PKP2: variants seen among roughly 807,000 people sequenced by gnomAD.
PKP2 encodes plakophilin 2, also known as plakophilin-2.
In PKP2, 73 loss-of-function variants were observed where a neutral mutation model predicts 83.4. The ratio of observed to expected loss-of-function variants is 0.88; its 90% CI spans 0.72 to 1.06. The LOEUF (loss-of-function observed/expected upper bound fraction) is 1.06, where lower values mean the gene tolerates loss of function less well. PKP2 is among the 50% of genes least tolerant of loss of function. The pLI is 0.00. For synonymous variants in PKP2, 409 were observed against 430.4 expected (o/e 0.95, Z 0.62); for missense variants, 966 against 1,065.4 (o/e 0.91, Z 1.30).
At chr12:32,895,658 G>A (rs986559660) in intron 1 of PKP2, among the ~76,000 whole-genome samples, 10 of 152,180 alleles carry the variant, frequency 6.6e-5, no homozygotes, top group Non-Finnish European at 1.5e-4. Flanking sequence ...GGGGAGAAAA[G>A]GATACATCAT....
At chr12:32,874,209 C>G (rs1360353260) in intron 3 of PKP2, among the ~76,000 whole-genome samples, 1 of 152,146 alleles carries the variant, frequency 6.6e-6, no homozygotes, top group Non-Finnish European at 1.5e-5. Flanking sequence ...GGCATAAAAA[C>G]TTAAATCCCC....
chr12:32,868,148 T>C (rs1391618765), intron 4 of PKP2, among the ~76,000 whole-genome samples: 5 of 152,188 alleles, frequency 3.3e-5, no homozygotes, highest in Non-Finnish European at 7.3e-5. Flanking sequence ...ATTTCCGAAT[T>C]GCAGGAAATA....
At chr12:32,836,160 C>T (rs1460535795) in intron 6 of PKP2, among the ~76,000 whole-genome samples, 1 of 152,174 alleles carries the variant, frequency 6.6e-6, no homozygotes, top group Non-Finnish European at 1.5e-5. Flanking sequence ...TGGAAACTTA[C>T]GTGGGCACAT....
intron 1 of PKP2, among the ~76,000 whole-genome samples, chr12:32,891,647 AAC>A (rs1380994058): frequency 1.3e-5 from 2 of 152,220 alleles, no homozygotes; most frequent in Admixed American, 6.5e-5. Context: ...TACAGATAAC[AAC>A]AGTCTTTTAA....
In PKP2 at chr12:32,877,475, T is replaced by C. The variant is rs1405327063; in HGVS notation, c.1034+371A>G. On this transcript the variant is annotated intron_variant, in intron 3 of 12. Transcript: ENST00000340811. ...ATTCGTGCTAAGAATAAGCATTTTT[T>C]CCTTTTATTTCATGGGATGATGAAG... Among the ~76,000 whole-genome samples the C allele has an allele frequency of 3.3e-5, 5 of 152,214 alleles. No individual in the cohort carries two copies. In the East Asian group the frequency reaches 9.6e-4, roughly 29 times the overall value.
At chr12:32,830,381 G>C (rs995514201) in intron 6 of PKP2, among the ~76,000 whole-genome samples, 1 of 152,196 alleles carries the variant, frequency 6.6e-6, no homozygotes, top group African/African-American at 2.4e-5. Flanking sequence ...CCAAAAGAAG[G>C]CTTGTCTGTT....
rs79409951 is a variant in PKP2, at chr12:32,853,394, GAA to G, written c.1171-2423_1171-2422del. Among the ~76,000 whole-genome samples, 367 of 87,856 alleles carry G rather than the reference GAA, an allele frequency of 4.2e-3. 3 individuals are homozygous for G. The highest frequency in any genetic ancestry group is 0.016 in the South Asian group (50 of 3,186). The allele number at this position is 87,856 out of a possible 152,430, so 57.6% of individuals were successfully genotyped here. A position where few individuals can be genotyped will look rare whatever the true frequency, so the allele number is the denominator to read the frequency against. Reference sequence around the variant, plus strand: ...TAACCTGTATTACATTTCCTTAAACGAAAAAAAAAAAAAAAAAACCAAAATAC... The same window carrying G: ...TAACCTGTATTACATTTCCTTAAACGAAAAAAAAAAAAAAAACCAAAATAC... On this transcript the variant is annotated intron_variant, in intron 4 of 12. Coordinates refer to ENST00000340811, the MANE Select transcript of PKP2 (RefSeq NM_001005242.3).
intron 6 of PKP2, among the ~76,000 whole-genome samples, chr12:32,837,473 A>G (rs1194827049): frequency 6.6e-6 from 1 of 152,188 alleles, no homozygotes; most frequent in Non-Finnish European, 1.5e-5. Flanking sequence ...ACATAACAAC[A>G]ATAAATGTTA....
chr12:32,884,777 G>A (rs1486600103), intron 1 of PKP2, among the ~76,000 whole-genome samples: 2 of 149,596 alleles, frequency 1.3e-5, no homozygotes, highest in African/African-American at 5.1e-5. Flanking sequence ...CTGTGTTGTA[G>A]AGCAGTTTTT....
At chr12:32,873,668 A>G (rs1956911465) in intron 3 of PKP2, among the ~76,000 whole-genome samples, 2 of 151,892 alleles carry the variant, frequency 1.3e-5, no homozygotes, top group Non-Finnish European at 2.9e-5. Context: ...TAGCTGGGAT[A>G]ACAGGCATCC....
At chr12:32,848,252 G>A (rs1410662165) in intron 5 of PKP2, among the ~76,000 whole-genome samples, 5 of 152,110 alleles carry the variant, frequency 3.3e-5, no homozygotes, top group Admixed American at 6.5e-5. Flanking sequence ...GCGAAACCCC[G>A]TCTCTACTAA....
At chr12:32,874,209 C>T (rs1360353260) in intron 3 of PKP2, among the ~76,000 whole-genome samples, 1 of 152,146 alleles carries the variant, frequency 6.6e-6, no homozygotes, top group Non-Finnish European at 1.5e-5. Context: ...GGCATAAAAA[C>T]TTAAATCCCC....
chr12:32,887,449 G>A (rs1957039456), intron 1 of PKP2, among the ~76,000 whole-genome samples: 2 of 152,086 alleles, frequency 1.3e-5, no homozygotes, highest in East Asian at 3.9e-4. Flanking sequence ...CATTTTAAAT[G>A]TCCCCCTCCC....
chr12:32,879,979 T>C (rs1325735879), intron 1 of PKP2, among the ~76,000 whole-genome samples: 1 of 151,960 alleles, frequency 6.6e-6, no homozygotes, highest in Non-Finnish European at 1.5e-5. Context: ...TGGTCGAGAC[T>C]ATAAAATTCA....
chr12:32,837,094 G>C (rs1956550707), intron 6 of PKP2, among the ~76,000 whole-genome samples: 1 of 152,130 alleles, frequency 6.6e-6, no homozygotes, highest in Non-Finnish European at 1.5e-5. Context: ...ACTTCAAAAA[G>C]AACAACACTG....
At chr12:32,827,391 TG>T (rs1956452525) in intron 6 of PKP2, among the ~76,000 whole-genome samples, 1 of 152,212 alleles carries the variant, frequency 6.6e-6, no homozygotes, top group Non-Finnish European at 1.5e-5. Flanking sequence ...GAAATATGAA[TG>T]ATAAGGGTAG....
intron 9 of PKP2, among the ~76,000 whole-genome samples, chr12:32,819,478 T>C (rs1412120467): frequency 6.6e-6 from 1 of 152,152 alleles, no homozygotes; most frequent in Non-Finnish European, 1.5e-5. Context: ...GATGGCCTAT[T>C]AGGCCCCTTA....
At chr12:32,837,254 A>T (rs1956551892) in intron 6 of PKP2, among the ~76,000 whole-genome samples, 1 of 152,244 alleles carries the variant, frequency 6.6e-6, no homozygotes, top group Non-Finnish European at 1.5e-5. Flanking sequence ...TGTATCTAGC[A>T]TACTGACTAA....
chr12:32,887,093 C>G (rs896084598), intron 1 of PKP2, among the ~76,000 whole-genome samples: 2 of 151,950 alleles, frequency 1.3e-5, no homozygotes, highest in African/African-American at 4.8e-5. Flanking sequence ...AAAATTTAAC[C>G]AATAGTTGTA....
Sources: gnomAD v4.1 joint callset for allele counts (sites outside exome capture counted in the v4.1 genomes callset) on GRCh38, gnomAD v4.1.1 for gene constraint, MANE v1.5 for transcripts, NCBI Gene and HGNC (gene_info 2026-07-23, HGNC 2026-07-21) for gene names.